COL28A1: variants seen among roughly 807,000 people sequenced by gnomAD.
COL28A1 encodes collagen alpha-1(XXVIII) chain.
Under a neutral mutation model 150.2 loss-of-function variants are expected in COL28A1, and 161 were observed. The observed-to-expected ratio is 1.07, with a 90% confidence interval of 0.94 to 1.22. The LOEUF is 1.22. COL28A1 is among the 50% of genes most tolerant of loss of function. COL28A1 has a pLI of 0.00. For synonymous variants in COL28A1, 552 were observed against 469.7 expected (o/e 1.18, Z -2.26); for missense variants, 1,617 against 1,388.3 (o/e 1.16, Z -2.62).
intron 27 of COL28A1, 22 bp downstream of exon 27, chr7:7,417,837 C>T: frequency 6.2e-7 from 1 of 1,605,610 alleles, no homozygotes; most frequent in East Asian, 2.2e-5. Context: ...GAGGTGACTC[C>T]AGCACAACCC....
intron 27 of COL28A1, among the ~76,000 whole-genome samples, chr7:7,416,660 C>T (rs552235717): frequency 6.6e-6 from 1 of 152,198 alleles, no homozygotes; most frequent in African/African-American, 2.4e-5. Context: ...GGCAACATGC[C>T]TATTTGGCCT....
intron 20 of COL28A1, 70 bp from the exon 21 acceptor site, chr7:7,440,931 C>T (rs925577840): frequency 1.2e-5 from 9 of 768,640 alleles, no homozygotes; most frequent in South Asian, 3.1e-5. Flanking sequence ...TAGCAAGGAC[C>T]ATAGCGGAGC....
At chr7:7,474,483 A>T (rs539472092) in intron 15 of COL28A1, 118 bp downstream of exon 15, 2 of 534,956 alleles carry the variant, frequency 3.7e-6, no homozygotes, top group African/African-American at 3.9e-5. Context: ...TAGATTTATA[A>T]TTAACCAGAT....
At chr7:7,431,480 C>T in intron 25 of COL28A1, 1 of 469,590 alleles carries the variant, frequency 2.1e-6, no homozygotes, top group South Asian at 1.6e-5. Context: ...GGGGAGGTGA[C>T]ATTTGAGCTA....
chr7:7,451,753 T>G (rs1464370477), intron 18 of COL28A1, among the ~76,000 whole-genome samples: 1 of 152,188 alleles, frequency 6.6e-6, no homozygotes, highest in African/African-American at 2.4e-5. Flanking sequence ...GTGTAGCACA[T>G]GGAAACCATG....
In COL28A1 at chr7:7,440,818, C is replaced by T; in HGVS notation, c.1694G>A (p.Arg565Lys). ...KKGSKGNQGQ[R>K]GLPGPEGPKG... ...TGGTCCTTCGGGCCCTGGAAGTCCCCTCTGTCCTTGATTTCCTTTGCTCCC... is the reference window on the plus strand; with the variant it reads ...TGGTCCTTCGGGCCCTGGAAGTCCCTTCTGTCCTTGATTTCCTTTGCTCCC... Residue 565 changes from arginine to lysine, a missense_variant, in exon 21 of 35, where the codon AGG becomes AAG. Coordinates refer to ENST00000399429, the MANE Select transcript of COL28A1 (RefSeq NM_001037763.3). 6.5e-7 allele frequency: 1 copy of T among 1,538,350 alleles called. No individual in the cohort carries two copies. The highest frequency in any genetic ancestry group is 1.4e-5 in the African/African-American group (1 of 73,644).
chr7:7,345,786 T>C, the COL28A1 span, among the ~76,000 whole-genome samples: 1 of 152,124 alleles, frequency 6.6e-6, no homozygotes. Context: ...CTGTTCATTC[T>C]TGGCTTTTAG....
chr7:7,408,621 G>C (rs566052307), intron 27 of COL28A1, among the ~76,000 whole-genome samples: 3 of 152,220 alleles, frequency 2.0e-5, no homozygotes, highest in African/African-American at 7.2e-5. Context: ...CCCCACCCAA[G>C]TGCAGCTACA....
chr7:7,404,991 C>G lies in COL28A1; in HGVS notation c.2136+12868G>C, dbSNP rs1783415070. ...CTCAACCTCCTGGGCTCAAACAATC[C>G]TCTGGCCTCAGCCTCCTGAGTAGCT... On this transcript the variant is annotated intron_variant, in intron 27 of 34. Coordinates refer to ENST00000399429, the MANE Select transcript of COL28A1 (RefSeq NM_001037763.3). Among the ~76,000 whole-genome samples the G allele has an allele frequency of 2.0e-5, 3 of 152,154 alleles. No homozygotes were observed. The South Asian group carries it at 6.2e-4, about 32-fold the overall frequency.
intron 27 of COL28A1, among the ~76,000 whole-genome samples, chr7:7,383,360 T>A (rs1583258670): frequency 6.7e-6 from 1 of 150,090 alleles, no homozygotes; most frequent in Non-Finnish European, 1.5e-5. Flanking sequence ...TTCACTGCAG[T>A]CCCCACCTCT....
intron 20 of COL28A1, 36 bp from the exon 21 acceptor site, chr7:7,440,897 T>A (rs771717209): frequency 1.9e-6 from 2 of 1,044,754 alleles, no homozygotes; most frequent in South Asian, 1.3e-5. Flanking sequence ...GATTTTCGTA[T>A]GGTATTAGCA....
At chr7:7,493,694 C>T (rs1285078542) in intron 11 of COL28A1, among the ~76,000 whole-genome samples, 1 of 152,006 alleles carries the variant, frequency 6.6e-6, no homozygotes, top group Non-Finnish European at 1.5e-5. Flanking sequence ...TACAGAGATT[C>T]CTGAGGTAGT....
chr7:7,447,580 A>G (rs976365944), intron 18 of COL28A1, among the ~76,000 whole-genome samples: 1 of 152,116 alleles, frequency 6.6e-6, no homozygotes, highest in African/African-American at 2.4e-5. Context: ...AACAGTTATT[A>G]TGACTATACT....
At chr7:7,489,938 G>C (rs191026490) in intron 12 of COL28A1, among the ~76,000 whole-genome samples, 13 of 152,258 alleles carry the variant, frequency 8.5e-5, no homozygotes, top group Admixed American at 5.2e-4. Flanking sequence ...GAGTCTCAAT[G>C]TGCTCATTGT....
chr7:7,413,585 C>T (rs1783905216), intron 27 of COL28A1, among the ~76,000 whole-genome samples: 1 of 152,166 alleles, frequency 6.6e-6, no homozygotes, highest in Non-Finnish European at 1.5e-5. Context: ...ACCCCTTCTA[C>T]ATACTCCCTT....
chr7:7,479,241 A>G (rs1789197851), intron 13 of COL28A1, among the ~76,000 whole-genome samples: 1 of 152,170 alleles, frequency 6.6e-6, no homozygotes, highest in Admixed American at 6.5e-5. Flanking sequence ...CTTCTAGTCA[A>G]CTCAATACTG....
chr7:7,542,302 G>A, the COL28A1 span, among the ~76,000 whole-genome samples: 3 of 152,206 alleles, frequency 2.0e-5, no homozygotes, highest in African/African-American at 7.2e-5. Flanking sequence ...CTGCACTCCG[G>A]CCTGGCCACA....
chr7:7,388,424 G>C (rs888333005), intron 27 of COL28A1, among the ~76,000 whole-genome samples: 7 of 152,000 alleles, frequency 4.6e-5, no homozygotes, highest in African/African-American at 1.7e-4. Flanking sequence ...CGGGCATTTG[G>C]GTTGGTTCCA....
At chr7:7,501,898 C>T (rs1562848451) in intron 11 of COL28A1, among the ~76,000 whole-genome samples, 1 of 152,026 alleles carries the variant, frequency 6.6e-6, no homozygotes, top group Non-Finnish European at 1.5e-5. Context: ...TTGAGACGTT[C>T]CGTTTTTTTT....
Sources: allele counts gnomAD v4.1 joint callset (sites outside exome capture counted in the v4.1 genomes callset), GRCh38; gene constraint gnomAD v4.1.1; transcripts MANE v1.5; gene names NCBI Gene and HGNC (gene_info 2026-07-23, HGNC 2026-07-21).